The following THSD7A variants were observed in gnomAD, a reference collection of about 807,000 sequenced individuals.
THSD7A encodes the protein thrombospondin type-1 domain-containing protein 7A.
In THSD7A, 96 loss-of-function variants were observed where a neutral mutation model predicts 231.3. The ratio of observed to expected loss-of-function variants is 0.41; its 90% CI spans 0.35 to 0.49. THSD7A has a LOEUF of 0.49. Among genes scored for constraint, THSD7A ranks in the 20% least tolerant of loss-of-function variants. The probability of loss-of-function intolerance (pLI) is 0.05; values close to 1 mark genes in which losing one functional copy is unlikely to be tolerated. For synonymous variants in THSD7A, 940 were observed against 743.3 expected, an observed-to-expected ratio of 1.26 and a Z score of -4.30; for missense variants, 2,290 against 2,070.2, an observed-to-expected ratio of 1.11 and a Z score of -2.06.
rs149404841 is a variant in THSD7A at position 11,411,785 on chromosome 7, G to A, written c.3683-463C>T. Among the ~76,000 whole-genome samples, 180 of 152,088 alleles carry A rather than the reference G, an allele frequency of 1.2e-3. No homozygotes were observed. The highest frequency in any genetic ancestry group is 4.9e-3 in the Admixed American group (75 of 15,266). On this transcript the variant is annotated intron_variant, in intron 18 of 27. Coordinates refer to ENST00000423059, the MANE Select transcript of THSD7A (RefSeq NM_015204.3). This position sits in a 1 kb window ranked among gnomAD's most constrained non-coding sequence, Gnocchi z 4.1. ...ATTTAGAATGCAAGAAAATGCATAC[G>A]TTTATTAAAGTGATAAAAATCACTT...
At chr7:11,829,482 G>T (rs1259485924) in intron 1 of THSD7A, among the ~76,000 whole-genome samples, 2 of 152,036 alleles carry the variant, frequency 1.3e-5, no homozygotes, top group Non-Finnish European at 2.9e-5. Context: ...TTGAGTTCCT[G>T]TCCCAGATCT....
chr7:11,545,949 T>C (rs1210186294), intron 4 of THSD7A, among the ~76,000 whole-genome samples: 2 of 152,128 alleles, frequency 1.3e-5, no homozygotes, highest in East Asian at 3.9e-4. Context: ...CCCAGTCTGA[T>C]CTCAGCACCC....
intron 1 of THSD7A, among the ~76,000 whole-genome samples, chr7:11,802,069 G>A (rs1307209023): frequency 1.3e-5 from 2 of 152,086 alleles, no homozygotes; most frequent in Admixed American, 1.3e-4. Context: ...CAAAACTTCC[G>A]TCACAAGGCT....
At chr7:11,773,422 C>T (rs1250412768) in intron 1 of THSD7A, among the ~76,000 whole-genome samples, 1 of 151,836 alleles carries the variant, frequency 6.6e-6, no homozygotes, top group Non-Finnish European at 1.5e-5. Flanking sequence ...CCCAGCTACT[C>T]GGGAGGCTGA....
chr7:11,724,117 T>A lies in THSD7A; in HGVS notation c.191-87156A>T, dbSNP rs917772998. Among the ~76,000 whole-genome samples the A allele has an allele frequency of 1.9e-4, 29 of 151,980 alleles. 1 individual carries two copies. Among genetic ancestry groups the A allele is most frequent in the Non-Finnish European group, 7.4e-5 (5 of 67,970 alleles). ...TTTCAAAAATTGAGCTCTTATGATA[T>A]GTTAAAAGAATATATGTGGGATATT... On this transcript the variant is annotated intron_variant, in intron 1 of 27. Transcript: ENST00000423059.
intron 1 of THSD7A, among the ~76,000 whole-genome samples, chr7:11,778,699 A>T (rs1194733408): frequency 6.6e-6 from 1 of 152,200 alleles, no homozygotes; most frequent in Non-Finnish European, 1.5e-5. Context: ...AAAAGAAAAT[A>T]AATGAAGACT....
At chr7:11,681,630 C>T (rs536474137) in intron 1 of THSD7A, among the ~76,000 whole-genome samples, 25 of 151,920 alleles carry the variant, frequency 1.6e-4, no homozygotes, top group East Asian at 3.9e-4. Flanking sequence ...AACAAACCTA[C>T]GACTCACTGA....
intron 8 of THSD7A, among the ~76,000 whole-genome samples, chr7:11,473,758 C>A (rs1432944189): frequency 6.6e-6 from 1 of 152,096 alleles, no homozygotes; most frequent in Non-Finnish European, 1.5e-5. Flanking sequence ...CAAAAGCACC[C>A]TGAGAAAATG....
chr7:11,730,615 C>G (rs961033417), intron 1 of THSD7A, among the ~76,000 whole-genome samples: 2 of 151,560 alleles, frequency 1.3e-5, no homozygotes, highest in African/African-American at 4.8e-5. Context: ...ATCTTACTCT[C>G]TTCACCCAAA....
At chr7:11,792,121 T>C (rs1783969889) in intron 1 of THSD7A, among the ~76,000 whole-genome samples, 1 of 151,928 alleles carries the variant, frequency 6.6e-6, no homozygotes. Flanking sequence ...CATTTCACGC[T>C]CTCCTCTTAC....
chr7:11,675,621 C>T (rs547390178), intron 1 of THSD7A, among the ~76,000 whole-genome samples: 1 of 152,280 alleles, frequency 6.6e-6, no homozygotes, highest in South Asian at 2.1e-4. Context: ...AGAAAGTTTT[C>T]CTCTCACAGT....
intron 1 of THSD7A, among the ~76,000 whole-genome samples, chr7:11,829,183 A>C (rs988108258): frequency 6.6e-6 from 1 of 152,086 alleles, no homozygotes; most frequent in African/African-American, 2.4e-5. Context: ...GGGGAAGTCA[A>C]AAGTTATACA....
chr7:11,649,559 C>T (rs959363983), intron 1 of THSD7A, among the ~76,000 whole-genome samples: 11 of 151,894 alleles, frequency 7.2e-5, no homozygotes, highest in African/African-American at 1.9e-4. Context: ...GCTGGAAGGA[C>T]GATGATGAGT....
intron 1 of THSD7A, among the ~76,000 whole-genome samples, chr7:11,708,490 G>T (rs543189141): frequency 6.6e-6 from 1 of 150,748 alleles, no homozygotes; most frequent in South Asian, 2.1e-4. Flanking sequence ...TAGAAAATTA[G>T]CAACTTGAGA....
intron 1 of THSD7A, among the ~76,000 whole-genome samples, chr7:11,744,434 ATT>A (rs72458537): frequency 0.027 from 4,080 of 151,362 alleles, 199 homozygotes; most frequent in African/African-American, 0.094. Flanking sequence ...ATTATTTTTT[ATT>A]TTTATTTTTT....
In THSD7A at chr7:11,528,798, G is replaced by T. The variant is rs529914227; in HGVS notation, c.1822+12621C>A. Among the ~76,000 whole-genome samples the T allele has an allele frequency of 3.3e-5, 5 of 152,182 alleles. No homozygotes were observed. The South Asian group carries it at 1.0e-3, about 32-fold the overall frequency. On this transcript the variant is annotated intron_variant, in intron 6 of 27. Transcript: ENST00000423059. Reference sequence around the variant, plus strand: ...AGAAATCTCATATTGAGAATCAAAGGTAAACAGCATCTCTTTTTTTACTTC... The same window carrying T: ...AGAAATCTCATATTGAGAATCAAAGTTAAACAGCATCTCTTTTTTTACTTC...
intron 6 of THSD7A, among the ~76,000 whole-genome samples, chr7:11,492,021 G>A (rs531040704): frequency 1.3e-5 from 2 of 152,104 alleles, no homozygotes; most frequent in South Asian, 4.2e-4. Context: ...CAGCCACACT[G>A]CTGTGACTAC....
At chr7:11,401,278 C>T (rs552899592) in intron 23 of THSD7A, among the ~76,000 whole-genome samples, 9 of 152,152 alleles carry the variant, frequency 5.9e-5, no homozygotes, top group East Asian at 3.9e-4. Context: ...CTCATAAAAC[C>T]GGGAAACATT....
intron 2 of THSD7A, among the ~76,000 whole-genome samples, chr7:11,625,985 G>T (rs1389058680): frequency 6.6e-6 from 1 of 152,012 alleles, no homozygotes; most frequent in Non-Finnish European, 1.5e-5. Context: ...GAGCTAAATA[G>T]AACAACTAAA....
Sources: allele counts gnomAD v4.1 joint callset (sites outside exome capture counted in the v4.1 genomes callset), GRCh38; gene constraint gnomAD v4.1.1; non-coding constraint Gnocchi (gnomAD v3.1); transcripts MANE v1.5; gene names NCBI Gene and HGNC (gene_info 2026-07-23, HGNC 2026-07-21).